The following RBFOX1 variants were observed in gnomAD, a reference collection of about 807,000 sequenced individuals.
RBFOX1 encodes RNA binding protein fox-1 homolog 1.
Under a neutral mutation model 57.7 loss-of-function variants are expected in RBFOX1, and 8 were observed. The observed-to-expected ratio is 0.14, with a 90% CI of 0.08 to 0.25. The LOEUF is 0.25. Among genes scored for constraint, RBFOX1 ranks in the 10% least tolerant of loss-of-function variants. The pLI is 1.00. For synonymous variants in RBFOX1, 326 were observed against 222.4 expected, an observed-to-expected ratio of 1.47 and a Z score of -4.15; for missense variants, 611 against 548.5, an observed-to-expected ratio of 1.11 and a Z score of -1.14.
intron 3 of RBFOX1, among the ~76,000 whole-genome samples, chr16:6,771,516 C>G (rs2078291482): frequency 6.6e-6 from 1 of 152,154 alleles, no homozygotes; most frequent in African/African-American, 2.4e-5. Flanking sequence ...CAAACCCTAG[C>G]AAGCTGAAGC....
chr16:7,473,231 AGCTGGGCATGGTG>A (rs2061924561), intron 4 of RBFOX1, among the ~76,000 whole-genome samples: 1 of 151,936 alleles, frequency 6.6e-6, no homozygotes, highest in Non-Finnish European at 1.5e-5. Flanking sequence ...CACAAAAACT[AGCTGGGCATGGTG>A]GCGGGTGCCT....
Position 5,527,315 on chromosome 16 carries a change from C to T in RBFOX1, c.258+60061C>T, listed in dbSNP as rs780557508. ...GCTGCTTGTACACAAGGACACCTAC[C>T]TGCAAGGAACACTGGGAAATGGAGT... On this transcript the variant is annotated intron_variant, in intron 2 of 2. Transcript: ENST00000585867. Among the ~76,000 whole-genome samples the T allele has an allele frequency of 5.1e-4, 77 of 152,336 alleles. 2 individuals carry two copies. Among genetic ancestry groups the T allele is most frequent in the South Asian group, 8.3e-4 (4 of 4,822 alleles).
chr16:7,015,212 A>G (rs1186803644), intron 3 of RBFOX1, among the ~76,000 whole-genome samples: 1 of 152,118 alleles, frequency 6.6e-6, no homozygotes, highest in African/African-American at 2.4e-5. Flanking sequence ...ATCCAGTGGC[A>G]TTGTGAAGGC....
chr16:7,018,241 A>C lies in RBFOX1; in HGVS notation c.-15-33816A>C, dbSNP rs372492860. ...AAGGGGGCATTCTCTACTGGCTTGC[A>C]TTCTAGGTGTTTCCTCCAGCTTCTC... On this transcript the variant is annotated intron_variant, in intron 3 of 15. Coordinates refer to ENST00000550418, the MANE Select transcript of RBFOX1 (RefSeq NM_018723.4). Among the ~76,000 whole-genome samples the C allele has an allele frequency of 3.9e-5, 6 of 152,110 alleles. No individual in the cohort carries two copies. In the South Asian group the frequency reaches 6.2e-4, roughly 16 times the overall value.
chr16:7,184,403 A>G (rs1250428029), intron 4 of RBFOX1, among the ~76,000 whole-genome samples: 5 of 152,252 alleles, frequency 3.3e-5, no homozygotes, highest in South Asian at 4.1e-4. Context: ...TAGGGGATAC[A>G]TGATGGTGGT....
intron 2 of RBFOX1, among the ~76,000 whole-genome samples, chr16:5,548,191 A>G (rs2045312386): frequency 7.4e-6 from 1 of 135,102 alleles, no homozygotes; most frequent in South Asian, 2.3e-4. Flanking sequence ...ATATATATAT[A>G]TATATATATA....
In RBFOX1 at chr16:6,019,336, C is replaced by G; in HGVS notation, c.-783C>G. The G allele has an allele frequency of 1.0e-6, 1 of 985,754 alleles. No individual in the cohort carries two copies. The highest frequency in any genetic ancestry group is 1.2e-6 in the Non-Finnish European group (1 of 830,306). The allele number at this position is 985,754 out of a possible 1,614,324, so 61.1% of individuals were successfully genotyped here. A position where few individuals can be genotyped will look rare whatever the true frequency, so the allele number is the denominator to read the frequency against. On this transcript the variant is annotated 5_prime_UTR_variant, in exon 1 of 16. Coordinates refer to ENST00000550418, the MANE Select transcript of RBFOX1 (RefSeq NM_018723.4). The surrounding 1 kb of genome is among the most constrained non-coding windows in gnomAD (Gnocchi z 4.2). ...GTCCCCGTGCGAGCCGCGCTGCCGC[C>G]GCCTCCTCCAGCCAGAGTCGGTGGG...
intron 3 of RBFOX1, among the ~76,000 whole-genome samples, chr16:6,905,737 G>T (rs561393458): frequency 1.3e-5 from 2 of 152,164 alleles, no homozygotes; most frequent in Non-Finnish European, 2.9e-5. Context: ...AATGCCTGAG[G>T]CAAGTTTGCA....
chr16:5,812,309 A>G (rs937889186), intron 3 of RBFOX1, among the ~76,000 whole-genome samples: 7 of 152,188 alleles, frequency 4.6e-5, no homozygotes, highest in African/African-American at 1.7e-4. Context: ...TAGAAGTAGA[A>G]AGGCTGGATC....
chr16:6,606,379 T>A (rs7202415), intron 2 of RBFOX1, among the ~76,000 whole-genome samples: 1 of 152,084 alleles, frequency 6.6e-6, no homozygotes. Context: ...TAAAATTTTA[T>A]GTTCTGGGGT....
intron 3 of RBFOX1, among the ~76,000 whole-genome samples, chr16:5,641,924 T>G (rs1006124930): frequency 6.6e-6 from 1 of 152,132 alleles, no homozygotes; most frequent in African/African-American, 2.4e-5. Context: ...ATATGTCACT[T>G]GGGGATTTCA....
intron 1 of RBFOX1, among the ~76,000 whole-genome samples, chr16:5,453,165 A>G (rs1002274248): frequency 1.3e-5 from 2 of 152,044 alleles, no homozygotes; most frequent in African/African-American, 4.8e-5. Flanking sequence ...ATCCATATTT[A>G]TCAAGCTCCT....
At chr16:6,211,044 A>T (rs1687545673) in intron 1 of RBFOX1, among the ~76,000 whole-genome samples, 1 of 152,134 alleles carries the variant, frequency 6.6e-6, no homozygotes, top group Non-Finnish European at 1.5e-5. Flanking sequence ...AAGAAAACAC[A>T]CATAGCACTG....
At chr16:6,829,373 A>G (rs562779746) in intron 3 of RBFOX1, among the ~76,000 whole-genome samples, 12 of 152,122 alleles carry the variant, frequency 7.9e-5, no homozygotes, top group African/African-American at 2.9e-4. Flanking sequence ...GTACACACAC[A>G]TACATACACA....
chr16:5,651,288 C>A (rs1461921159), intron 3 of RBFOX1, among the ~76,000 whole-genome samples: 2 of 151,924 alleles, frequency 1.3e-5, no homozygotes, highest in Non-Finnish European at 2.9e-5. Flanking sequence ...CCTGGCCTCA[C>A]GTGACCCACC....
At chr16:7,531,586 T>C (rs1158984410) in intron 5 of RBFOX1, among the ~76,000 whole-genome samples, 1 of 152,168 alleles carries the variant, frequency 6.6e-6, no homozygotes, top group Non-Finnish European at 1.5e-5. Context: ...GGGTCTTCCA[T>C]GAGCCATGCA....
chr16:5,676,761 C>T (rs538221816), intron 3 of RBFOX1, among the ~76,000 whole-genome samples: 26 of 152,212 alleles, frequency 1.7e-4, no homozygotes, highest in Non-Finnish European at 7.4e-5. Context: ...ACTTAGGAAG[C>T]TAAAGCACGA....
chr16:5,380,185 A>T (rs2066096042), intron 1 of RBFOX1, among the ~76,000 whole-genome samples: 1 of 152,136 alleles, frequency 6.6e-6, no homozygotes, highest in Non-Finnish European at 1.5e-5. Flanking sequence ...GCCTGGCTCC[A>T]CTTCCTGGCT....
intron 2 of RBFOX1, among the ~76,000 whole-genome samples, chr16:6,520,958 T>C (rs1426235380): frequency 2.0e-5 from 3 of 151,818 alleles, no homozygotes; most frequent in African/African-American, 7.3e-5. Flanking sequence ...AAAAAAATAA[T>C]TGCTTCGCCA....
Sources: gnomAD v4.1 joint callset for allele counts (sites outside exome capture counted in the v4.1 genomes callset) on GRCh38, gnomAD v4.1.1 for gene constraint, Gnocchi (gnomAD v3.1) non-coding constraint, MANE v1.5 for transcripts, NCBI Gene and HGNC (gene_info 2026-07-23, HGNC 2026-07-21) for gene names.